CLVS1: variants seen among roughly 807,000 people sequenced by gnomAD.
CLVS1 encodes clavesin 1, also known as clavesin-1.
Under a neutral mutation model 33.1 loss-of-function variants are expected in CLVS1, and 10 were observed. The ratio of observed to expected loss-of-function variants is 0.30; its 90% CI spans 0.19 to 0.51. CLVS1 has a LOEUF of 0.51. Among genes scored for constraint, CLVS1 ranks in the 20% least tolerant of loss-of-function variants. CLVS1 has a pLI of 0.97. For synonymous variants in CLVS1, 163 were observed against 166.1 expected (o/e 0.98, Z 0.14); for missense variants, 343 against 433.4 (o/e 0.79, Z 1.85).
chr8:61,185,006 G>T (rs1807314641), intron 2 of CLVS1, among the ~76,000 whole-genome samples: 1 of 152,020 alleles, frequency 6.6e-6, no homozygotes, highest in East Asian at 1.9e-4. Context: ...TTACATGTGT[G>T]TATATAATGG....
chr8:61,230,504 AG>A (rs1416266793), intron 2 of CLVS1, among the ~76,000 whole-genome samples: 1 of 152,276 alleles, frequency 6.6e-6, no homozygotes, highest in Non-Finnish European at 1.5e-5. Flanking sequence ...AATGGCAATA[AG>A]TATTGTGGCT....
At chr8:61,027,304 G>A in the CLVS1 span, among the ~76,000 whole-genome samples, 60 of 151,996 alleles carry the variant, frequency 3.9e-4, no homozygotes, top group Non-Finnish European at 6.0e-4. Context: ...AACTATTCTC[G>A]CCCTGTGTTA....
intron 2 of CLVS1, among the ~76,000 whole-genome samples, chr8:61,159,897 G>A (rs1806719853): frequency 6.6e-6 from 1 of 152,196 alleles, no homozygotes; most frequent in Non-Finnish European, 1.5e-5. Flanking sequence ...AATTCAGAGT[G>A]GTTAGAATCA....
At chr8:61,405,737 G>A (rs143096618) in intron 3 of CLVS1, among the ~76,000 whole-genome samples, 1 of 149,984 alleles carries the variant, frequency 6.7e-6, no homozygotes, top group Non-Finnish European at 1.5e-5. Context: ...CTGGGGCAAG[G>A]CACTGTGGAA....
intron 2 of CLVS1, among the ~76,000 whole-genome samples, chr8:61,162,823 T>A (rs1038025222): frequency 6.6e-6 from 1 of 152,162 alleles, no homozygotes; most frequent in African/African-American, 2.4e-5. Context: ...TTGTTTTATA[T>A]CTCGAGAGCC....
chr8:61,177,434 G>T (rs1398954832), intron 2 of CLVS1, among the ~76,000 whole-genome samples: 1 of 152,186 alleles, frequency 6.6e-6, no homozygotes, highest in East Asian at 1.9e-4. Flanking sequence ...CAGCCCAGAC[G>T]AGTAAGATTC....
the CLVS1 span, among the ~76,000 whole-genome samples, chr8:61,048,173 C>G: frequency 6.6e-6 from 1 of 152,044 alleles, no homozygotes; most frequent in African/African-American, 2.4e-5. Flanking sequence ...CATAGTTGGT[C>G]AAGAAAGGTA....
intron 5 of CLVS1, among the ~76,000 whole-genome samples, chr8:61,481,203 C>G (rs779810070): frequency 6.6e-6 from 1 of 152,112 alleles, no homozygotes; most frequent in African/African-American, 2.4e-5. Flanking sequence ...TCCCTGAGCC[C>G]TAGCTCTGCA....
At chr8:61,219,647 C>T (rs1227357403) in intron 2 of CLVS1, among the ~76,000 whole-genome samples, 2 of 152,126 alleles carry the variant, frequency 1.3e-5, no homozygotes, top group Non-Finnish European at 2.9e-5. Flanking sequence ...GATTTATATT[C>T]CTTTGGGTAT....
chr8:61,420,609 G>GA (rs972665907), intron 3 of CLVS1, among the ~76,000 whole-genome samples: 5 of 145,982 alleles, frequency 3.4e-5, no homozygotes, highest in African/African-American at 7.6e-5. Flanking sequence ...CTCAAAAATA[G>GA]AAAAAAAAGT....
chr8:61,024,437 A>G, the CLVS1 span, among the ~76,000 whole-genome samples: 1 of 152,204 alleles, frequency 6.6e-6, no homozygotes, highest in Non-Finnish European at 1.5e-5. Context: ...TTGCTTCAGT[A>G]AAGTTCCATG....
chr8:61,269,579 TG>T (rs1286539651), intron 2 of CLVS1, among the ~76,000 whole-genome samples: 34 of 151,782 alleles, frequency 2.2e-4, no homozygotes, highest in African/African-American at 7.5e-4. Context: ...TTGATGGGGA[TG>T]GCATTGAATC....
chr8:61,245,406 C>T (rs1272026286), intron 2 of CLVS1, among the ~76,000 whole-genome samples: 1 of 152,036 alleles, frequency 6.6e-6, no homozygotes. Flanking sequence ...AGGATGGCCT[C>T]AATCTCCTGA....
intron 1 of CLVS1, among the ~76,000 whole-genome samples, chr8:61,119,899 C>T (rs1255522620): frequency 1.5e-5 from 2 of 133,706 alleles, no homozygotes; most frequent in African/African-American, 6.0e-5. Flanking sequence ...CTCTGTATTT[C>T]CTGAATTTGA....
At chr8:61,259,326 T>G (rs1809150940) in intron 2 of CLVS1, among the ~76,000 whole-genome samples, 1 of 152,206 alleles carries the variant, frequency 6.6e-6, no homozygotes, top group South Asian at 2.1e-4. Flanking sequence ...TGACAATTAT[T>G]GCACCATGGT....
At chr8:61,231,081 A>C (rs1361704410) in intron 2 of CLVS1, among the ~76,000 whole-genome samples, 1 of 152,204 alleles carries the variant, frequency 6.6e-6, no homozygotes, top group African/African-American at 2.4e-5. Context: ...TTTAGTTTAT[A>C]GTAGTATGCA....
chr8:60,975,736 C>T, the CLVS1 span, among the ~76,000 whole-genome samples: 1 of 152,110 alleles, frequency 6.6e-6, no homozygotes, highest in South Asian at 2.1e-4. Flanking sequence ...AGACATCCTT[C>T]CTCACCCCCT....
the CLVS1 span, among the ~76,000 whole-genome samples, chr8:61,008,818 A>T: frequency 2.5e-4 from 38 of 152,374 alleles, no homozygotes; most frequent in Middle Eastern, 3.4e-3. Context: ...CTTCCCAGGA[A>T]TAGAAGTTAT....
the CLVS1 span, among the ~76,000 whole-genome samples, chr8:60,975,161 GA>G: frequency 6.6e-6 from 1 of 152,126 alleles, no homozygotes; most frequent in Non-Finnish European, 1.5e-5. Flanking sequence ...ATAGATGAGA[GA>G]AAAAAGCACA....
Sources: allele counts gnomAD v4.1 joint callset (sites outside exome capture counted in the v4.1 genomes callset), GRCh38; gene constraint gnomAD v4.1.1; transcripts MANE v1.5; gene names NCBI Gene and HGNC (gene_info 2026-07-23, HGNC 2026-07-21).